Variants in INTS8 observed in about 807,000 individuals in gnomAD.
INTS8 encodes integrator complex subunit 8, also known as protein kaonashi-1.
Under a neutral mutation model 138.9 loss-of-function variants are expected in INTS8, and 47 were observed. That is an observed-to-expected ratio of 0.34 (90% confidence interval 0.27 to 0.43). The LOEUF (loss-of-function observed/expected upper bound fraction) is 0.43. Among genes scored for constraint, INTS8 ranks in the 20% least tolerant of loss-of-function variants. The pLI is 1.00. For synonymous variants in INTS8, 392 were observed against 400.9 expected (o/e 0.98, Z 0.27); for missense variants, 996 against 1,173.0 (o/e 0.85, Z 2.20).
At chr8:94,854,492 C>G (rs191840896) in intron 14 of INTS8, among the ~76,000 whole-genome samples, 3 of 151,986 alleles carry the variant, frequency 2.0e-5, no homozygotes, top group Admixed American at 2.0e-4. Context: ...AGATTGTGTA[C>G]CAAGATTAAA....
At chr8:94,836,008 T>C (rs146342800) in intron 6 of INTS8, among the ~76,000 whole-genome samples, 1 of 152,318 alleles carries the variant, frequency 6.6e-6, no homozygotes, top group African/African-American at 2.4e-5. Context: ...TATGCTTCTT[T>C]TAGACTGAAT....
intron 2 of INTS8, among the ~76,000 whole-genome samples, 168 bp from the exon 3 acceptor site, chr8:94,827,095 A>G (rs1814537451): frequency 6.6e-6 from 1 of 151,972 alleles, no homozygotes; most frequent in Admixed American, 6.6e-5. Context: ...ACAGAGCGAG[A>G]CTCTGTCTCA....
chr8:94,851,423 A>G (rs1815540800), intron 12 of INTS8, 130 bp from the exon 13 acceptor site: 1 of 523,508 alleles, frequency 1.9e-6, no homozygotes, highest in Admixed American at 4.3e-5. Context: ...TACAATGTTG[A>G]ATGCATCAGT....
Position 94,865,498 on chromosome 8 carries a change from T to C in INTS8, c.2077-8T>C, listed in dbSNP as rs201008080. 7.0e-4 allele frequency: 1,133 copies of C among 1,607,838 alleles called. 6 individuals are homozygous for C. The African/African-American group carries it at 0.014, about 19-fold the overall frequency. ...TATCTTTTGTGTATTTTGTTTTTCA[T>C]GTTATAGCTTGGACAGCTTTTAGCA... On this transcript the variant is annotated splice_region_variant and splice_polypyrimidine_tract_variant and intron_variant, in intron 16 of 26. Coordinates refer to ENST00000523731, the MANE Select transcript of INTS8 (RefSeq NM_017864.4).
chr8:94,859,464 T>G lies in INTS8; in HGVS notation c.1955-47T>G. 3 of 1,582,184 alleles carry G rather than the reference T, an allele frequency of 1.9e-6. No individual in the cohort carries two copies. In the African/African-American group the frequency reaches 4.1e-5, roughly 21 times the overall value. On this transcript the variant is annotated intron_variant, in intron 15 of 26. Coordinates refer to ENST00000523731, the MANE Select transcript of INTS8 (RefSeq NM_017864.4). ...AGCAAGTATTTGCTTTGTTCCTATT[T>G]TAATGTTGTGATGGTAATTCCAACT...
Position 94,865,539 on chromosome 8 carries a change from C to T in INTS8, c.2110C>T (p.Leu704Phe). ...GCTTTTAGCAGCTACATGCAAAGAA[C>T]TTCCAGGCCCTAAAGAAAGTAGACG... ...GQLLAATCKE[L>F]PGPKESRRTA... The change falls in exon 17 of 27, where the codon CTT (leucine) becomes TTT (phenylalanine). Residue 704 changes from leucine (L) to phenylalanine (F), a missense_variant. Coordinates refer to ENST00000523731, the MANE Select transcript of INTS8 (RefSeq NM_017864.4). The T allele has an allele frequency of 6.2e-7, 1 of 1,613,908 alleles. No individual in the cohort carries two copies. The highest frequency in any genetic ancestry group is 8.5e-7 in the Non-Finnish European group (1 of 1,179,872).
chr8:94,875,522 A>C (rs1816537390), intron 23 of INTS8, among the ~76,000 whole-genome samples: 1 of 152,166 alleles, frequency 6.6e-6, no homozygotes, highest in African/African-American at 2.4e-5. Flanking sequence ...AGTAATGAAA[A>C]TGTTTTTAAA....
At chr8:94,849,058 T>G (rs537000350) in intron 10 of INTS8, among the ~76,000 whole-genome samples, 9 of 152,288 alleles carry the variant, frequency 5.9e-5, no homozygotes, top group African/African-American at 2.2e-4. Context: ...TCTATATTCA[T>G]GATAAATCAC....
At position 94,851,682 on chromosome 8, in the gene INTS8, A is replaced by G. The variant is rs775858813; in HGVS notation, c.1637A>G (p.Asn546Ser). The G allele has an allele frequency of 1.3e-6, 2 of 1,587,664 alleles. No homozygotes were observed. The change falls in exon 13 of 27, where the codon AAT (asparagine) becomes AGT (serine). Residue 546 changes from asparagine to serine, a missense_variant. Physicochemically the swap from Asn to Ser is conservative, Grantham distance 46 (BLOSUM62 1). Coordinates refer to ENST00000523731, the MANE Select transcript of INTS8 (RefSeq NM_017864.4). ...TSERQFWTVS[N>S]KWEVPSVYSG... ...GAGCGCCAGTTCTGGACAGTGTCTAATAAGGTAAACCCTATGTCAAGAACA... is the reference window on the plus strand; with the variant it reads ...GAGCGCCAGTTCTGGACAGTGTCTAGTAAGGTAAACCCTATGTCAAGAACA...
chr8:94,869,108 G>A lies in INTS8; in HGVS notation c.2414+1771G>A, dbSNP rs562016651. ...AGCAATTCTCCTGCCTCAGGCTCCC[G>A]AGTACCTGGGATTACAAGCATGTGC... On this transcript the variant is annotated intron_variant, in intron 20 of 26. Transcript: ENST00000523731. Among the ~76,000 whole-genome samples, 36 of 151,026 alleles carry A rather than the reference G, an allele frequency of 2.4e-4. No homozygotes were observed. In the South Asian group the frequency reaches 4.2e-3, roughly 18 times the overall value.
At chr8:94,844,604 G>A (rs1273228010) in intron 10 of INTS8, among the ~76,000 whole-genome samples, 1 of 151,686 alleles carries the variant, frequency 6.6e-6, no homozygotes, top group Non-Finnish European at 1.5e-5. Flanking sequence ...GGCATGAGCC[G>A]TGCCCGGCCA....
Position 94,835,615 on chromosome 8 carries a change from T to TG in INTS8, c.754-909_754-908insG, listed in dbSNP as rs561194182. On this transcript the variant is annotated intron_variant, in intron 6 of 26. Coordinates refer to ENST00000523731, the MANE Select transcript of INTS8 (RefSeq NM_017864.4). ...AGGCAGAGCCTGCTTCTTTTTTTTT[T>TG]TTGAGACAGAGTCTCGCCCTGTCGC... Among the ~76,000 whole-genome samples, 609 of 152,114 alleles carry TG rather than the reference T, an allele frequency of 4.0e-3. 4 individuals are homozygous for TG. The highest frequency in any genetic ancestry group is 0.014 in the African/African-American group (595 of 41,480).
At chr8:94,825,331 C>CT (rs1195323791) in intron 2 of INTS8, among the ~76,000 whole-genome samples, 1 of 151,658 alleles carries the variant, frequency 6.6e-6, no homozygotes, top group African/African-American at 2.4e-5. Flanking sequence ...ACTTGGGAGG[C>CT]TGAGGCACGA....
intron 20 of INTS8, among the ~76,000 whole-genome samples, chr8:94,871,226 G>A (rs961972749): frequency 2.6e-5 from 4 of 151,938 alleles, no homozygotes; most frequent in African/African-American, 9.7e-5. Context: ...CCCAGCACCG[G>A]GAGGCTGAGA....
intron 9 of INTS8, among the ~76,000 whole-genome samples, chr8:94,841,960 T>A (rs1363600217): frequency 6.6e-6 from 1 of 151,660 alleles, no homozygotes; most frequent in Non-Finnish European, 1.5e-5. Context: ...TCCCAGCCAC[T>A]CAGGAGGCTG....
rs1330310208 is a variant in INTS8 at position 94,881,512 on chromosome 8, AC to A, written c.*1279del. 3.4e-6 allele frequency: 3 copies of A among 874,798 alleles called. No individual in the cohort carries two copies. In the African/African-American group the frequency reaches 5.1e-5, roughly 15 times the overall value. 54.2% of individuals were successfully genotyped at this position (874,798 alleles called of 1,614,324 possible). On this transcript the variant is annotated 3_prime_UTR_variant, in exon 27 of 27. Transcript: ENST00000523731. ...GTTTTAAAATCAGAATGGCAGTGTA[AC>A]TTGTGAATTGGCTAGGGCAATCAAT... is the stretch of plus-strand genomic sequence containing the variant.
Position 94,828,970 on chromosome 8 carries a change from T to C in INTS8, c.519-5T>C, listed in dbSNP as rs751358358. The C allele has an allele frequency of 2.5e-6, 4 of 1,584,326 alleles. No individual in the cohort carries two copies. The highest frequency in any genetic ancestry group is 1.1e-5 in the South Asian group (1 of 88,622). On this transcript the variant is annotated splice_region_variant and splice_polypyrimidine_tract_variant and intron_variant, in intron 4 of 26. Coordinates refer to ENST00000523731, the MANE Select transcript of INTS8 (RefSeq NM_017864.4). ...TACTTTTGTTTTCAATTGTTTCTCT[T>C]TTAGTATGAATCAAATGCAACAGGA... is the stretch of plus-strand genomic sequence containing the variant.
At chr8:94,862,097 C>T (rs1483347382) in intron 16 of INTS8, among the ~76,000 whole-genome samples, 4 of 151,988 alleles carry the variant, frequency 2.6e-5, no homozygotes, top group Non-Finnish European at 5.9e-5. Context: ...TGCACCACCA[C>T]ACCCGGGTAG....
At chr8:94,869,466 T>G (rs1357617550) in intron 20 of INTS8, among the ~76,000 whole-genome samples, 1 of 151,994 alleles carries the variant, frequency 6.6e-6, no homozygotes, top group Non-Finnish European at 1.5e-5. Context: ...CCTGGCTAAT[T>G]TTTATTTTTA....
Sources: allele counts gnomAD v4.1 joint callset (sites outside exome capture counted in the v4.1 genomes callset), GRCh38; gene constraint gnomAD v4.1.1; transcripts MANE v1.5; gene names NCBI Gene and HGNC (gene_info 2026-07-23, HGNC 2026-07-21).